Variants in LRRTM4 observed in about 807,000 individuals in gnomAD.
LRRTM4 encodes the protein leucine-rich repeat transmembrane neuronal protein 4.
In LRRTM4, 25 loss-of-function variants were observed where a neutral mutation model predicts 47.6. The ratio of observed to expected loss-of-function variants is 0.53; its 90% CI spans 0.38 to 0.73. The LOEUF is 0.73. LRRTM4 is among the 30% of genes least tolerant of loss of function. The probability of loss-of-function intolerance (pLI) is 0.00; values close to 1 mark genes in which losing one functional copy is unlikely to be tolerated. For missense variants in LRRTM4, 638 were observed against 713.4 expected (o/e 0.89, Z 1.20); for synonymous variants, 311 against 269.5 (o/e 1.15, Z -1.51).
intron 3 of LRRTM4, among the ~76,000 whole-genome samples, chr2:77,386,795 G>T (rs1194360301): frequency 6.6e-6 from 1 of 152,062 alleles, no homozygotes; most frequent in South Asian, 2.1e-4. Flanking sequence ...CGGGGAGTGG[G>T]GGGCAAGGGG....
chr2:77,406,445 G>A (rs1473020399), intron 3 of LRRTM4, among the ~76,000 whole-genome samples: 1 of 151,944 alleles, frequency 6.6e-6, no homozygotes, highest in South Asian at 2.1e-4. Flanking sequence ...CCTCAACCTC[G>A]TGAATAGGTG....
intron 3 of LRRTM4, among the ~76,000 whole-genome samples, chr2:77,148,331 A>C (rs2103778703): frequency 6.6e-6 from 1 of 152,300 alleles, no homozygotes; most frequent in Admixed American, 6.5e-5. Context: ...GAGAGCTAAA[A>C]TGAGAACTGG....
chr2:76,980,765 G>C (rs116127534), intron 3 of LRRTM4, among the ~76,000 whole-genome samples: 18 of 152,058 alleles, frequency 1.2e-4, no homozygotes, highest in Non-Finnish European at 1.9e-4. Context: ...TTGAAACTTA[G>C]ATGTCAAGAA....
At chr2:77,009,486 G>A (rs1677788288) in intron 3 of LRRTM4, 1 of 151,994 alleles carries the variant, frequency 6.6e-6, no homozygotes, top group African/African-American at 2.4e-5. Flanking sequence ...ATCCTTCAAA[G>A]CGTCTTATGG....
chr2:77,521,057 T>C (rs768412249), intron 2 of LRRTM4, among the ~76,000 whole-genome samples: 21 of 152,112 alleles, frequency 1.4e-4, no homozygotes, highest in African/African-American at 5.1e-4. Context: ...TTCTTTTTAA[T>C]TTAAAACCCG....
At chr2:76,797,249 A>C (rs1348398063) in intron 3 of LRRTM4, among the ~76,000 whole-genome samples, 1 of 152,134 alleles carries the variant, frequency 6.6e-6, no homozygotes, top group Non-Finnish European at 1.5e-5. Context: ...GAAGCCCATC[A>C]GACAAACAGC....
At chr2:76,985,695 A>G (rs192019143) in intron 3 of LRRTM4, among the ~76,000 whole-genome samples, 1 of 152,154 alleles carries the variant, frequency 6.6e-6, no homozygotes, top group East Asian at 1.9e-4. Flanking sequence ...GCAATCAAAA[A>G]GGAGATAAAA....
intron 3 of LRRTM4, among the ~76,000 whole-genome samples, chr2:76,839,694 G>C (rs1019412164): frequency 6.6e-6 from 1 of 151,924 alleles, no homozygotes; most frequent in Non-Finnish European, 1.5e-5. Flanking sequence ...TTATTTGAAA[G>C]CATGTAGTTT....
chr2:77,101,215 A>G (rs1235660475), intron 3 of LRRTM4, among the ~76,000 whole-genome samples: 1 of 152,206 alleles, frequency 6.6e-6, no homozygotes, highest in Non-Finnish European at 1.5e-5. Context: ...AGACATTGGA[A>G]ATATTACATG....
chr2:76,781,104 G>C (rs1020741644), intron 3 of LRRTM4, among the ~76,000 whole-genome samples: 8 of 152,262 alleles, frequency 5.3e-5, no homozygotes, highest in African/African-American at 1.9e-4. Context: ...GAGGCAGTCT[G>C]CCCATTCTCA....
chr2:77,051,533 G>T (rs1250466673), intron 3 of LRRTM4, among the ~76,000 whole-genome samples: 1 of 152,156 alleles, frequency 6.6e-6, no homozygotes, highest in Non-Finnish European at 1.5e-5. Flanking sequence ...AAGACTGAGT[G>T]ACTGAAGCCA....
At chr2:76,864,163 T>C (rs1293427466) in intron 3 of LRRTM4, among the ~76,000 whole-genome samples, 4 of 149,956 alleles carry the variant, frequency 2.7e-5, no homozygotes, top group Non-Finnish European at 5.9e-5. Context: ...TGTGACCATA[T>C]GGAACAAGAA....
At chr2:77,360,537 A>ATACGATACGATACGATACG (rs1558706320) in intron 3 of LRRTM4, among the ~76,000 whole-genome samples, 1 of 119,738 alleles carries the variant, frequency 8.4e-6, no homozygotes, top group Non-Finnish European at 1.8e-5. Flanking sequence ...GATACGATAC[A>ATACGATACGATACGATACG]ATACAATCAT....
intron 3 of LRRTM4, among the ~76,000 whole-genome samples, chr2:77,211,626 G>A (rs919667165): frequency 6.6e-6 from 1 of 152,072 alleles, no homozygotes; most frequent in Non-Finnish European, 1.5e-5. Flanking sequence ...GTTGTTGTAA[G>A]CCTATCACTA....
chr2:76,916,806 C>G (rs1463613277), intron 3 of LRRTM4, among the ~76,000 whole-genome samples: 2 of 152,352 alleles, frequency 1.3e-5, no homozygotes, highest in East Asian at 3.9e-4. Flanking sequence ...TAATATCTCA[C>G]TTGGAACCCC....
At chr2:76,881,914 G>C (rs1442109900) in intron 3 of LRRTM4, among the ~76,000 whole-genome samples, 1 of 152,040 alleles carries the variant, frequency 6.6e-6, no homozygotes, top group Non-Finnish European at 1.5e-5. Flanking sequence ...GTATTTTTGT[G>C]TCAGAAATAC....
chr2:77,291,667 T>G (rs1208814947), intron 3 of LRRTM4, among the ~76,000 whole-genome samples: 1 of 152,132 alleles, frequency 6.6e-6, no homozygotes, highest in Non-Finnish European at 1.5e-5. Flanking sequence ...TTGTATTTAG[T>G]GACCATTATA....
At chr2:77,190,291 C>CTTTTTTTTTTTT (rs143873795) in intron 3 of LRRTM4, among the ~76,000 whole-genome samples, 1 of 103,908 alleles carries the variant, frequency 9.6e-6, no homozygotes, top group Admixed American at 1.1e-4. Flanking sequence ...GCATTTTCAT[C>CTTTTTTTTTTTT]TTTTTTTTTT....
At chr2:77,408,749 T>A (rs1187650436) in intron 3 of LRRTM4, among the ~76,000 whole-genome samples, 1 of 152,150 alleles carries the variant, frequency 6.6e-6, no homozygotes, top group African/African-American at 2.4e-5. Context: ...CTTCTCTGTA[T>A]CCCCATTAGA....
Sources: gnomAD v4.1 joint callset for allele counts (sites outside exome capture counted in the v4.1 genomes callset) on GRCh38, gnomAD v4.1.1 for gene constraint, MANE v1.5 for transcripts, NCBI Gene and HGNC (gene_info 2026-07-23, HGNC 2026-07-21) for gene names.